LRP1B: variants seen among roughly 807,000 people sequenced by gnomAD.
The protein encoded by LRP1B is LDL receptor related protein 1B, also known as low-density lipoprotein receptor-related protein 1B.
LRP1B carries 217 observed loss-of-function variants against 556.6 expected under a neutral mutation model. The ratio of observed to expected loss-of-function variants is 0.39; its 90% CI spans 0.35 to 0.44. The LOEUF is 0.44. LRP1B is among the 20% of genes least tolerant of loss of function. The pLI, the probability that LRP1B is intolerant of heterozygous loss-of-function variation, is 1.00. For synonymous variants in LRP1B, 2,047 were observed against 1,865.8 expected (o/e 1.10, Z -2.50); for missense variants, 5,053 against 5,620.8 (o/e 0.90, Z 3.23).
At chr2:141,890,394 T>C in intron 1 of LRP1B, among the ~76,000 whole-genome samples, 1 of 84,860 alleles carries the variant, frequency 1.2e-5, no homozygotes, top group South Asian at 3.0e-4. Context: ...ATATATAGTG[T>C]ATATATATAT....
chr2:140,328,197 C>A (rs1680597870), intron 79 of LRP1B, among the ~76,000 whole-genome samples: 1 of 151,968 alleles, frequency 6.6e-6, no homozygotes, highest in African/African-American at 2.4e-5. Flanking sequence ...GGAACCAAGT[C>A]ACTAGGAGCA....
At chr2:140,766,840 TA>T (rs1218357207) in intron 35 of LRP1B, among the ~76,000 whole-genome samples, 24 of 73,686 alleles carry the variant, frequency 3.3e-4, no homozygotes, top group Admixed American at 2.3e-3. Context: ...TATATATATA[TA>T]TATTATATAT....
intron 41 of LRP1B, among the ~76,000 whole-genome samples, chr2:140,643,230 G>T (rs1684366343): frequency 6.6e-6 from 1 of 151,662 alleles, no homozygotes; most frequent in South Asian, 2.1e-4. Flanking sequence ...TTCTTATAAC[G>T]AGTTAACATC....
chr2:140,471,778 C>T (rs1045503468), intron 60 of LRP1B, among the ~76,000 whole-genome samples: 2 of 152,134 alleles, frequency 1.3e-5, no homozygotes, highest in African/African-American at 4.8e-5. Context: ...AGGATAAATT[C>T]CAAATTACTT....
intron 9 of LRP1B, among the ~76,000 whole-genome samples, chr2:141,056,152 C>T (rs140105879): frequency 1.3e-5 from 2 of 151,796 alleles, no homozygotes; most frequent in African/African-American, 2.4e-5. Flanking sequence ...CTTCATTCTC[C>T]AAGTCAGAAG....
rs904825381 is a variant in LRP1B, at chr2:142,031,612, T to TA, written c.82+99035dup. Among the ~76,000 whole-genome samples, 30 of 144,604 alleles carry TA rather than the reference T, an allele frequency of 2.1e-4. No homozygotes were observed. The South Asian group carries it at 2.6e-3, about 13-fold the overall frequency. 94.9% of individuals were successfully genotyped at this position (144,604 alleles called of 152,430 possible). A position where few individuals can be genotyped will look rare whatever the true frequency, so the allele number is the denominator to read the frequency against. ...GAGAAAAAAATGACATATTGTCAAC[T>TA]AAAAAAAAAATGACATATTGTCATT... On this transcript the variant is annotated intron_variant, in intron 1 of 90. Transcript: ENST00000389484.
chr2:140,242,794 G>C (rs1398328535), intron 87 of LRP1B, among the ~76,000 whole-genome samples: 1 of 151,170 alleles, frequency 6.6e-6, no homozygotes, highest in Non-Finnish European at 1.5e-5. Context: ...AGATGTGACT[G>C]CAGTGGAAAG....
intron 1 of LRP1B, among the ~76,000 whole-genome samples, chr2:141,970,365 A>G (rs1244170540): frequency 6.6e-6 from 1 of 151,632 alleles, no homozygotes; most frequent in African/African-American, 2.4e-5. Context: ...AGGTATTAAA[A>G]TGACTACTTT....
At chr2:141,310,203 G>A (rs1686760916) in intron 3 of LRP1B, among the ~76,000 whole-genome samples, 1 of 151,986 alleles carries the variant, frequency 6.6e-6, no homozygotes, top group Non-Finnish European at 1.5e-5. Context: ...GAAAACCCAA[G>A]CATTTCACTC....
At chr2:141,091,115 G>A (rs79428727) in intron 7 of LRP1B, among the ~76,000 whole-genome samples, 9,376 of 152,102 alleles carry the variant, frequency 0.062, 370 homozygotes, top group South Asian at 0.12. Flanking sequence ...CAATTTGTTT[G>A]TGTTTCCCAC....
At chr2:140,777,075 C>T (rs1021880915) in intron 32 of LRP1B, among the ~76,000 whole-genome samples, 2 of 152,024 alleles carry the variant, frequency 1.3e-5, no homozygotes, top group African/African-American at 4.8e-5. Flanking sequence ...ACATTTAAGG[C>T]AATGCAGTAA....
chr2:140,489,075 T>C (rs1165665488), intron 57 of LRP1B, among the ~76,000 whole-genome samples: 1 of 152,028 alleles, frequency 6.6e-6, no homozygotes, highest in East Asian at 1.9e-4. Flanking sequence ...CCAAGGGCAT[T>C]CAAGACTAAG....
chr2:141,928,784 G>A (rs567769130), intron 1 of LRP1B, among the ~76,000 whole-genome samples: 1 of 152,208 alleles, frequency 6.6e-6, no homozygotes, highest in Admixed American at 6.6e-5. Flanking sequence ...GAGCAGGAAA[G>A]GCAGGAGAAG....
intron 18 of LRP1B, among the ~76,000 whole-genome samples, chr2:140,971,927 G>A (rs1313559122): frequency 3.3e-5 from 5 of 152,192 alleles, no homozygotes; most frequent in Non-Finnish European, 5.9e-5. Flanking sequence ...TTTGAGGGAG[G>A]CAGGTAGGAG....
At chr2:142,053,120 A>G (rs987146487) in intron 1 of LRP1B, among the ~76,000 whole-genome samples, 1 of 152,186 alleles carries the variant, frequency 6.6e-6, no homozygotes, top group Non-Finnish European at 1.5e-5. Flanking sequence ...ACAGTGCAAA[A>G]AGTGTTATGT....
chr2:141,150,639 A>G (rs1701898068), intron 7 of LRP1B, among the ~76,000 whole-genome samples: 1 of 152,110 alleles, frequency 6.6e-6, no homozygotes, highest in African/African-American at 2.4e-5. Flanking sequence ...TTTTCATGTG[A>G]AAAAAAGTAA....
chr2:140,279,246 G>A lies in LRP1B; in HGVS notation c.12968-4648C>T, dbSNP rs185177952. 7.9e-5 allele frequency among the ~76,000 whole-genome samples: 12 copies of A among 152,048 alleles called. No homozygotes were observed. The East Asian group carries it at 2.3e-3, about 30-fold the overall frequency. The stretch of plus-strand genomic sequence containing the variant: ...TGCAATCATTGGATACTTGTAAATT[G>A]TAAAGCAAAATAATCTCTTCAAGTG... On this transcript the variant is annotated intron_variant, in intron 84 of 90. Coordinates refer to ENST00000389484, the MANE Select transcript of LRP1B (RefSeq NM_018557.3).
chr2:141,441,565 GTTTTC>G (rs1470772546), intron 3 of LRP1B, among the ~76,000 whole-genome samples: 2 of 152,094 alleles, frequency 1.3e-5, no homozygotes, highest in Non-Finnish European at 2.9e-5. Flanking sequence ...TGGTTTGTGT[GTTTTC>G]TTTTTTAAAA....
chr2:140,812,218 A>G (rs1410713559), intron 32 of LRP1B, among the ~76,000 whole-genome samples: 1 of 152,118 alleles, frequency 6.6e-6, no homozygotes, highest in Non-Finnish European at 1.5e-5. Context: ...GCCAACTTTG[A>G]CATTTCCATA....
Sources: allele counts gnomAD v4.1 joint callset (sites outside exome capture counted in the v4.1 genomes callset), GRCh38; gene constraint gnomAD v4.1.1; transcripts MANE v1.5; gene names NCBI Gene and HGNC (gene_info 2026-07-23, HGNC 2026-07-21).